Variants in NFIA observed in about 807,000 individuals in gnomAD.
NFIA encodes the protein nuclear factor 1 A-type.
NFIA carries 8 observed loss-of-function variants against 62.8 expected under a neutral mutation model. That is an observed-to-expected ratio of 0.13 (90% confidence interval 0.07 to 0.23). The LOEUF (loss-of-function observed/expected upper bound fraction) is 0.23. NFIA is among the 10% of genes least tolerant of loss of function. NFIA has a pLI of 1.00. For missense variants in NFIA, 410 were observed against 642.1 expected, an observed-to-expected ratio of 0.64 and a Z score of 3.91; for synonymous variants, 235 against 238.1, an observed-to-expected ratio of 0.99 and a Z score of 0.12.
At chr1:61,365,393 G>A (rs1344420) in intron 6 of NFIA, among the ~76,000 whole-genome samples, 125,383 of 151,698 alleles carry the variant, frequency 0.83, 51,905 homozygotes, top group East Asian at 0.95. Context: ...CTCTCCAACC[G>A]TTCTCTCTAT....
At position 61,082,691 on chromosome 1, in the gene NFIA, T is replaced by C. The variant is rs1646132836; in HGVS notation, c.-101T>C. 1.3e-6 allele frequency: 2 copies of C among 1,540,772 alleles called. No homozygotes were observed. Among genetic ancestry groups the C allele is most frequent in the Middle Eastern group, 1.7e-4 (1 of 5,934 alleles). On this transcript the variant is annotated 5_prime_UTR_variant, in exon 1 of 11. Coordinates refer to ENST00000403491, the MANE Select transcript of NFIA (RefSeq NM_001134673.4). ...CCCCCCTTCTCTCTCTCTCTCTCTC[T>C]CTCTCTTCCTCTCTCCCTCTTTCTC...
At chr1:61,433,871 G>T (rs762957881) in intron 10 of NFIA, among the ~76,000 whole-genome samples, 1 of 152,104 alleles carries the variant, frequency 6.6e-6, no homozygotes, top group Non-Finnish European at 1.5e-5. Flanking sequence ...CTGATTCCAC[G>T]TGTCCTATGA....
intron 10 of NFIA, among the ~76,000 whole-genome samples, chr1:61,433,847 A>G (rs11207739): frequency 0.41 from 62,869 of 151,928 alleles, 14,065 homozygotes; most frequent in South Asian, 0.59. Context: ...TAGAGTCAGG[A>G]CACAAACCCA....
chr1:61,369,626 TCAAGA>T (rs1234212947), intron 6 of NFIA, among the ~76,000 whole-genome samples: 2 of 152,114 alleles, frequency 1.3e-5, no homozygotes, highest in Non-Finnish European at 2.9e-5. Context: ...TTTTATAGAC[TCAAGA>T]CAAGTTGATT....
Position 61,352,496 on chromosome 1 carries a change from G to A in NFIA, c.747G>A (p.Leu249=). The A allele has an allele frequency of 6.2e-7, 1 of 1,613,878 alleles. No homozygotes were observed. The highest frequency in any genetic ancestry group is 8.5e-7 in the Non-Finnish European group (1 of 1,179,922). Residue 249 remains leucine, a synonymous_variant, in exon 5 of 11, where the codon TTG becomes TTA. Transcript: ENST00000403491. ...GTGPNFSLSD[L]ESSSYYSMSP... is the part of the protein sequence containing the mutation. ...GCCCAAATTTTTCTCTCTCAGATTT[G>A]GAAAGTTCTTCATACTACAGCATGA... is the stretch of plus-strand genomic sequence containing the variant.
intron 1 of NFIA, among the ~76,000 whole-genome samples, 195 bp from the exon 2 acceptor site, chr1:61,087,954 G>T (rs766278523): frequency 1.3e-5 from 2 of 152,178 alleles, no homozygotes; most frequent in Non-Finnish European, 2.9e-5. Flanking sequence ...CCGATCATAA[G>T]AAATGATACT....
chr1:61,252,461 C>T (rs955681433), intron 2 of NFIA, among the ~76,000 whole-genome samples: 3 of 152,176 alleles, frequency 2.0e-5, no homozygotes, highest in Non-Finnish European at 4.4e-5. Flanking sequence ...GAAACTAACC[C>T]AGTGCCTTGG....
intron 3 of NFIA, among the ~76,000 whole-genome samples, chr1:61,280,340 G>A (rs946726784): frequency 2.0e-5 from 3 of 152,142 alleles, no homozygotes; most frequent in Non-Finnish European, 4.4e-5. Flanking sequence ...ACTCTCATAG[G>A]TGTATCAACA....
At chr1:61,316,131 A>G (rs1458928122) in intron 3 of NFIA, among the ~76,000 whole-genome samples, 1 of 152,194 alleles carries the variant, frequency 6.6e-6, no homozygotes, top group Non-Finnish European at 1.5e-5. Context: ...CATGTCTGAG[A>G]GTCTCCTCCC....
Position 61,426,553 on chromosome 1 carries a change from A to G in NFIA, c.1509A>G (p.Thr503=), listed in dbSNP as rs1252352220. Residue 503 remains threonine (T), a synonymous_variant, in exon 10 of 11, where the codon ACA becomes ACG. Transcript: ENST00000403491. Reference sequence around the variant, plus strand: ...GCTTTGTAAATATCCCTCAACAGACACAGGTGGGCCGCTCTCATCTTTTCT... The same window carrying G: ...GCTTTGTAAATATCCCTCAACAGACGCAGGTGGGCCGCTCTCATCTTTTCT... ...DPSFVNIPQQ[T]QSWYLG 1 of 1,550,008 alleles carries G rather than the reference A, an allele frequency of 6.5e-7. No individual in the cohort carries two copies. The highest frequency in any genetic ancestry group is 8.7e-7 in the Non-Finnish European group (1 of 1,145,320).
chr1:61,240,288 A>T (rs1265897455), intron 2 of NFIA, among the ~76,000 whole-genome samples: 1 of 152,086 alleles, frequency 6.6e-6, no homozygotes, highest in Non-Finnish European at 1.5e-5. Flanking sequence ...ATTGTAAGTT[A>T]TATCACCATT....
At chr1:61,218,067 A>G (rs538425756) in intron 2 of NFIA, among the ~76,000 whole-genome samples, 1 of 152,238 alleles carries the variant, frequency 6.6e-6, no homozygotes. Context: ...GCATGATTAT[A>G]TATTTCATTC....
chr1:61,100,146 A>G (rs1646483354), intron 2 of NFIA, among the ~76,000 whole-genome samples: 1 of 152,230 alleles, frequency 6.6e-6, no homozygotes, highest in African/African-American at 2.4e-5. Flanking sequence ...TTCTGGTGTT[A>G]GTTTCAGCTT....
intron 3 of NFIA, among the ~76,000 whole-genome samples, chr1:61,324,348 C>T (rs769274656): frequency 3.3e-5 from 5 of 152,146 alleles, no homozygotes; most frequent in Non-Finnish European, 7.4e-5. Context: ...AATCATTGGC[C>T]TGTCTTGTTA....
At chr1:61,288,898 G>A (rs532678785) in intron 3 of NFIA, among the ~76,000 whole-genome samples, 1 of 152,276 alleles carries the variant, frequency 6.6e-6, no homozygotes, top group East Asian at 1.9e-4. Context: ...CTACCAAATA[G>A]CTGAGACTAT....
chr1:61,188,143 G>T (rs1651341107), intron 2 of NFIA, among the ~76,000 whole-genome samples: 1 of 152,058 alleles, frequency 6.6e-6, no homozygotes, highest in African/African-American at 2.4e-5. Context: ...CGCCTCCCGG[G>T]TTCAAGTGAT....
Position 61,455,525 on chromosome 1 carries a change from TTA to T in NFIA, c.*206_*207del, listed in dbSNP as rs1668263390. On this transcript the variant is annotated 3_prime_UTR_variant, in exon 11 of 11. Transcript: ENST00000403491. Reference sequence around the variant, plus strand: ...ATAACCTTTTGGGATTTTTTTTTTTTTAAAATACTTTAGGGACTGTTGTAATT... The same window carrying T: ...ATAACCTTTTGGGATTTTTTTTTTTTAAATACTTTAGGGACTGTTGTAATT... 29 of 716,716 alleles carry T rather than the reference TTA, an allele frequency of 4.0e-5. No homozygotes were observed. The highest frequency in any genetic ancestry group is 2.1e-4 in the South Asian group (10 of 46,752). The allele number at this position is 716,716 out of a possible 1,614,324, so 44.4% of individuals were successfully genotyped here. A position where few individuals can be genotyped will look rare whatever the true frequency, so the allele number is the denominator to read the frequency against.
intron 2 of NFIA, among the ~76,000 whole-genome samples, chr1:61,131,025 A>G (rs1344880406): frequency 6.6e-6 from 1 of 152,166 alleles, no homozygotes; most frequent in Non-Finnish European, 1.5e-5. Flanking sequence ...CAGTGGGGCA[A>G]CATTTTATAT....
At chr1:61,138,231 G>C (rs1385821144) in intron 2 of NFIA, among the ~76,000 whole-genome samples, 1 of 152,034 alleles carries the variant, frequency 6.6e-6, no homozygotes, top group Non-Finnish European at 1.5e-5. Flanking sequence ...AGGTAGCTGG[G>C]ACTACAGGCA....
Sources: gnomAD v4.1 joint callset for allele counts (sites outside exome capture counted in the v4.1 genomes callset) on GRCh38, gnomAD v4.1.1 for gene constraint, MANE v1.5 for transcripts, NCBI Gene and HGNC (gene_info 2026-07-23, HGNC 2026-07-21) for gene names.